FMN2: variants seen among roughly 807,000 people sequenced by gnomAD.
FMN2 encodes formin-2.
A neutral mutation model predicts 142.3 loss-of-function variants in FMN2; 51 were observed. The observed-to-expected ratio is 0.36, with a 90% CI of 0.29 to 0.45. The LOEUF is 0.45. Among genes scored for constraint, FMN2 ranks in the 20% least tolerant of loss-of-function variants. FMN2 has a pLI of 1.00. For missense variants in FMN2, 1,936 were observed against 2,122.8 expected (o/e 0.91, Z 1.73); for synonymous variants, 882 against 869.8 (o/e 1.01, Z -0.25).
At chr1:240,315,516 G>A (rs1670751800) in intron 8 of FMN2, among the ~76,000 whole-genome samples, 1 of 152,200 alleles carries the variant, frequency 6.6e-6, no homozygotes, top group Non-Finnish European at 1.5e-5. Context: ...GAACTTGAGT[G>A]ATTCCAGATG....
intron 13 of FMN2, among the ~76,000 whole-genome samples, chr1:240,339,741 C>A (rs974583023): frequency 6.6e-6 from 1 of 152,168 alleles, no homozygotes; most frequent in East Asian, 1.9e-4. Context: ...CATGTGCATA[C>A]ATACATGAAT....
At chr1:240,461,459 G>T (rs78233684) in intron 16 of FMN2, among the ~76,000 whole-genome samples, 177 of 152,296 alleles carry the variant, frequency 1.2e-3, no homozygotes, top group African/African-American at 4.2e-3. Context: ...ATGGAATAGA[G>T]AGAGAAAAGG....
intron 2 of FMN2, among the ~76,000 whole-genome samples, chr1:240,157,041 A>G (rs1240676256): frequency 6.6e-6 from 1 of 152,210 alleles, no homozygotes; most frequent in Non-Finnish European, 1.5e-5. Context: ...AATGAAAGTT[A>G]AGAAAAAAAC....
At position 240,273,210 on chromosome 1, in the gene FMN2, T is replaced by A. The variant is rs577460943; in HGVS notation, c.4153+15178T>A. The stretch of plus-strand genomic sequence containing the variant: ...AGATTGTCTGCAAGATTCCGATTAA[T>A]GCTATTTTTATGGTTCCAAATTTAA... On this transcript the variant is annotated intron_variant, in intron 7 of 17. Coordinates refer to ENST00000319653, the MANE Select transcript of FMN2 (RefSeq NM_020066.5). Among the ~76,000 whole-genome samples the A allele has an allele frequency of 2.2e-3, 338 of 152,338 alleles. 1 individual carries two copies. The highest frequency in any genetic ancestry group is 7.7e-3 in the African/African-American group (320 of 41,584).
At chr1:240,099,994 G>A (rs978227439) in intron 1 of FMN2, among the ~76,000 whole-genome samples, 3 of 152,118 alleles carry the variant, frequency 2.0e-5, no homozygotes, top group African/African-American at 7.2e-5. Context: ...ACTGTACTGA[G>A]GTCTTGATGA....
chr1:240,340,952 A>G (rs983589524), intron 13 of FMN2, among the ~76,000 whole-genome samples: 4 of 152,104 alleles, frequency 2.6e-5, no homozygotes, highest in Non-Finnish European at 5.9e-5. Flanking sequence ...TTTTTTCCTG[A>G]AACTCCTTTT....
At chr1:240,248,506 A>G (rs1668164010) in intron 6 of FMN2, among the ~76,000 whole-genome samples, 2 of 150,492 alleles carry the variant, frequency 1.3e-5, no homozygotes, top group Non-Finnish European at 3.0e-5. Context: ...TTATTTGTCC[A>G]TTGATGGACA....
chr1:240,321,941 T>A (rs1490786797), intron 8 of FMN2, among the ~76,000 whole-genome samples: 1 of 152,180 alleles, frequency 6.6e-6, no homozygotes, highest in Non-Finnish European at 1.5e-5. Flanking sequence ...ATACAGATAC[T>A]CCTCAACTTA....
chr1:240,362,009 G>C (rs1441510341), intron 14 of FMN2, among the ~76,000 whole-genome samples: 2 of 152,226 alleles, frequency 1.3e-5, no homozygotes, highest in African/African-American at 4.8e-5. Flanking sequence ...TGTTCAAATG[G>C]ACTGGGTAAA....
intron 15 of FMN2, among the ~76,000 whole-genome samples, chr1:240,427,831 T>A (rs1675012176): frequency 6.6e-6 from 1 of 152,240 alleles, no homozygotes; most frequent in Non-Finnish European, 1.5e-5. Context: ...GTATGGTGTG[T>A]TCTACCAAGA....
At position 240,184,928 on chromosome 1, in the gene FMN2, A is replaced by ACTTTCTCCCTCCTATACCTTCCCCTTCT. The variant is rs1558344785; in HGVS notation, c.1931-3198_1931-3171dup. ...TTTCGCCATTTTTCATGTTCCCTTT[A>ACTTTCTCCCTCCTATACCTTCCCCTTCT]CTTTCTCCCTCCTATACCTTCCCCT... is the stretch of plus-strand genomic sequence containing the variant. On this transcript the variant is annotated intron_variant, in intron 3 of 17. Transcript: ENST00000319653. 2.9e-4 allele frequency among the ~76,000 whole-genome samples: 24 copies of ACTTTCTCCCTCCTATACCTTCCCCTTCT among 83,180 alleles called. 6 individuals are homozygous for ACTTTCTCCCTCCTATACCTTCCCCTTCT. The highest frequency in any genetic ancestry group is 6.9e-4 in the South Asian group (2 of 2,900). The allele number at this position is 83,180 out of a possible 152,430, so 54.6% of individuals were successfully genotyped here. A position where few individuals can be genotyped will look rare whatever the true frequency, so the allele number is the denominator to read the frequency against.
chr1:240,239,791 A>T (rs1176693881), intron 6 of FMN2, among the ~76,000 whole-genome samples: 1 of 152,256 alleles, frequency 6.6e-6, no homozygotes, highest in Non-Finnish European at 1.5e-5. Context: ...AATCATTAAA[A>T]GTTTATTATG....
At chr1:240,117,825 G>T (rs1662080162) in intron 1 of FMN2, among the ~76,000 whole-genome samples, 1 of 152,222 alleles carries the variant, frequency 6.6e-6, no homozygotes, top group Non-Finnish European at 1.5e-5. Flanking sequence ...ACACAGCAGG[G>T]ACTGCTGAAA....
chr1:240,399,952 A>G (rs540521165), intron 15 of FMN2, among the ~76,000 whole-genome samples: 2 of 152,282 alleles, frequency 1.3e-5, no homozygotes, highest in African/African-American at 4.8e-5. Flanking sequence ...CCAGAGCTCT[A>G]CAGATCTGCT....
intron 3 of FMN2, among the ~76,000 whole-genome samples, chr1:240,183,851 G>A (rs1408714077): frequency 6.6e-6 from 1 of 152,132 alleles, no homozygotes; most frequent in African/African-American, 2.4e-5. Flanking sequence ...AATGAATTCT[G>A]TTTCAGTTAA....
intron 6 of FMN2, among the ~76,000 whole-genome samples, chr1:240,213,716 T>A (rs142008571): frequency 2.6e-5 from 4 of 152,348 alleles, no homozygotes; most frequent in African/African-American, 9.6e-5. Context: ...ATTCTTCTTA[T>A]ATACAATGGA....
chr1:240,107,053 A>G (rs1038918397), intron 1 of FMN2, among the ~76,000 whole-genome samples: 6 of 151,564 alleles, frequency 4.0e-5, no homozygotes, highest in African/African-American at 1.5e-4. Flanking sequence ...TAGGAACACA[A>G]TTGAAACCTC....
At chr1:240,118,822 G>T (rs1393340815) in intron 1 of FMN2, among the ~76,000 whole-genome samples, 1 of 152,134 alleles carries the variant, frequency 6.6e-6, no homozygotes, top group Non-Finnish European at 1.5e-5. Flanking sequence ...GGGCAGTGAG[G>T]CAGGAGGTGA....
intron 6 of FMN2, among the ~76,000 whole-genome samples, chr1:240,232,119 G>A (rs779242997): frequency 2.0e-5 from 3 of 151,730 alleles, no homozygotes; most frequent in African/African-American, 7.3e-5. Context: ...CACCAGGCTG[G>A]AGTGCAATGA....
Sources: gnomAD v4.1 joint callset for allele counts (sites outside exome capture counted in the v4.1 genomes callset) on GRCh38, gnomAD v4.1.1 for gene constraint, MANE v1.5 for transcripts, NCBI Gene and HGNC (gene_info 2026-07-23, HGNC 2026-07-21) for gene names.